Variants in TTPA observed in about 807,000 individuals in gnomAD.
TTPA encodes alpha tocopherol transfer protein.
A neutral mutation model predicts 25.9 loss-of-function variants in TTPA; 23 were observed. That is an observed-to-expected ratio of 0.89 (90% CI 0.64 to 1.26). TTPA has a LOEUF of 1.26. TTPA is among the 50% of genes most tolerant of loss of function. The probability of loss-of-function intolerance (pLI) is 0.00; values close to 1 mark genes in which losing one functional copy is unlikely to be tolerated. For missense variants in TTPA, 337 were observed against 353.1 expected (o/e 0.95, Z 0.37); for synonymous variants, 148 against 137.3 (o/e 1.08, Z -0.54).
chr8:63,079,019 T>C (rs954919804), intron 1 of TTPA, among the ~76,000 whole-genome samples: 6 of 151,718 alleles, frequency 4.0e-5, no homozygotes, highest in Non-Finnish European at 8.8e-5. Flanking sequence ...CAGAAGAGAG[T>C]AGGGGGCCAA....
Position 63,060,672 on chromosome 8 carries a change from T to TG in TTPA, c.*579dup, listed in dbSNP as rs1255236791. The stretch of plus-strand genomic sequence containing the variant: ...CTGGGCGACAGAGCAAGACTCTGTC[T>TG]GAAAAAAAAAAAAAAAGTTTCTATC... On this transcript the variant is annotated 3_prime_UTR_variant, in exon 5 of 5. Coordinates refer to ENST00000260116, the MANE Select transcript of TTPA (RefSeq NM_000370.3). The TG allele has an allele frequency of 1.1e-5, 1 of 91,560 alleles. No individual in the cohort carries two copies. The highest frequency in any genetic ancestry group is 1.9e-5 in the Non-Finnish European group (1 of 53,778). 5.7% of individuals were successfully genotyped at this position (91,560 alleles called of 1,614,324 possible). A position where few individuals can be genotyped will look rare whatever the true frequency, so the allele number is the denominator to read the frequency against.
chr8:63,083,383 AAG>A (rs1381433811), intron 1 of TTPA, among the ~76,000 whole-genome samples: 2 of 152,186 alleles, frequency 1.3e-5, no homozygotes, highest in South Asian at 4.1e-4. Context: ...AACTATCACA[AAG>A]ACAGAAAACC....
At position 63,085,860 on chromosome 8, in the gene TTPA, C is replaced by T; in HGVS notation, c.162G>A (p.Arg54=). The T allele has an allele frequency of 2.0e-6, 3 of 1,536,354 alleles. No individual in the cohort carries two copies. Among genetic ancestry groups the T allele is most frequent in the Non-Finnish European group, 1.7e-6 (2 of 1,145,578 alleles). ...PLPLTDSFLL[R]FLRARDFDLD... is the part of the protein sequence containing the mutation. ...GATCGAAATCCCGGGCGCGCAGGAA[C>T]CGCAGCAGGAAGGAGTCGGTGAGCG... is the stretch of plus-strand genomic sequence containing the variant. The change falls in exon 1 of 5, where the codon CGG becomes CGA. Residue 54 remains arginine, a synonymous_variant. Transcript: ENST00000260116.
intron 1 of TTPA, among the ~76,000 whole-genome samples, chr8:63,078,652 GA>G (rs1280715676): frequency 5.9e-5 from 9 of 152,118 alleles, no homozygotes; most frequent in Admixed American, 4.6e-4. Context: ...AGAGTAAAAA[GA>G]AATGAACAAA....
rs1805299329 is a variant in TTPA, at chr8:63,061,169, G to T, written c.*83C>A. 4 of 1,377,994 alleles carry T rather than the reference G, an allele frequency of 2.9e-6. No homozygotes were observed. The highest frequency in any genetic ancestry group is 1.7e-5 in the Admixed American group (1 of 57,516). The allele number at this position is 1,377,994 out of a possible 1,614,324, so 85.4% of individuals were successfully genotyped here. On this transcript the variant is annotated 3_prime_UTR_variant, in exon 5 of 5. Transcript: ENST00000260116. ...AGGCAAGCATTAGTTTAAAAGATTTGCTCCTTTTCTTTCATTCATTTAACC... is the reference window on the plus strand; with the variant it reads ...AGGCAAGCATTAGTTTAAAAGATTTTCTCCTTTTCTTTCATTCATTTAACC...
chr8:63,066,166 T>A, intron 2 of TTPA, 69 bp from the exon 3 acceptor site: 1 of 1,391,496 alleles, frequency 7.2e-7, no homozygotes, highest in Non-Finnish European at 1.0e-6. Context: ...AAAGGGAGAC[T>A]AATTCATTTT....
chr8:63,064,614 G>GAAGTAAAAAATATAAATACTTTT (rs1554605517), intron 3 of TTPA, among the ~76,000 whole-genome samples: 1 of 151,878 alleles, frequency 6.6e-6, no homozygotes, highest in Non-Finnish European at 1.5e-5. Flanking sequence ...TTCTTTTAAC[G>GAAGTAAAAAATATAAATACTTTT]AACCAATGAG....
At chr8:63,073,884 C>G (rs1805519409) in intron 1 of TTPA, among the ~76,000 whole-genome samples, 2 of 152,090 alleles carry the variant, frequency 1.3e-5, no homozygotes, top group Non-Finnish European at 2.9e-5. Flanking sequence ...CTGAAGAAAT[C>G]CCATTTTCTT....
At chr8:63,068,075 CTGGGT>C (rs1284187419) in intron 2 of TTPA, among the ~76,000 whole-genome samples, 1 of 152,094 alleles carries the variant, frequency 6.6e-6, no homozygotes, top group African/African-American at 2.4e-5. Flanking sequence ...AGACATCCAA[CTGGGT>C]GCAGCTGGAA....
chr8:63,067,381 T>C (rs1280059961), intron 2 of TTPA, among the ~76,000 whole-genome samples: 2 of 150,892 alleles, frequency 1.3e-5, no homozygotes, highest in African/African-American at 2.4e-5. Context: ...TAATAAAAGT[T>C]CTAGAAGGCA....
intron 2 of TTPA, among the ~76,000 whole-genome samples, chr8:63,067,505 GA>G (rs202184685): frequency 1.1e-4 from 4 of 35,544 alleles, no homozygotes; most frequent in Admixed American, 8.6e-4. Context: ...GAACGAAAAA[GA>G]AAAAAAAATC....
intron 1 of TTPA, among the ~76,000 whole-genome samples, chr8:63,075,685 C>G (rs1805550802): frequency 7.1e-6 from 1 of 140,124 alleles, no homozygotes; most frequent in Non-Finnish European, 1.5e-5. Flanking sequence ...GGCGACAGAG[C>G]CAGACTCCGT....
chr8:63,082,935 A>T (rs1805687064), intron 1 of TTPA, among the ~76,000 whole-genome samples: 2 of 152,220 alleles, frequency 1.3e-5, no homozygotes, highest in Non-Finnish European at 2.9e-5. Context: ...AACCACAATG[A>T]GATACTATCT....
At position 63,072,964 on chromosome 8, in the gene TTPA, G is replaced by C. The variant is rs748000998; in HGVS notation, c.329C>G (p.Thr110Ser). 1 of 1,614,088 alleles carries C rather than the reference G, an allele frequency of 6.2e-7. No homozygotes were observed. Among genetic ancestry groups the C allele is most frequent in the South Asian group, 1.1e-5 (1 of 91,084 alleles). Residue 110 changes from threonine to serine, a missense_variant, in exon 2 of 5, where the codon ACT becomes AGT. Coordinates refer to ENST00000260116, the MANE Select transcript of TTPA (RefSeq NM_000370.3). The part of the protein sequence containing the change: ...YHGVLRSRDP[T>S]GSKVLIYRIA... ...TCTGTAAATAAGAACTTTGCTGCCAGTGGGATCCCTGGATCTCAGGACTCC... is the reference window on the plus strand; with the variant it reads ...TCTGTAAATAAGAACTTTGCTGCCACTGGGATCCCTGGATCTCAGGACTCC...
intron 4 of TTPA, among the ~76,000 whole-genome samples, 200 bp from the exon 5 acceptor site, chr8:63,061,625 G>A (rs1805308770): frequency 6.6e-6 from 1 of 152,066 alleles, no homozygotes; most frequent in Admixed American, 6.5e-5. Flanking sequence ...TAACCTTACT[G>A]TTTCTTGGAT....
rs1233515069 is a variant in TTPA, at chr8:63,061,274, C to G, written c.815G>C (p.Ser272Thr). 3 of 1,613,586 alleles carry G rather than the reference C, an allele frequency of 1.9e-6. No homozygotes were observed. Among genetic ancestry groups the G allele is most frequent in the South Asian group, 1.1e-5 (1 of 91,076 alleles). ...FIMKSEDYLS[S>T]ISESIQ is the part of the protein sequence containing the mutation. ...TTCTCATTGAATGCTCTCAGAAATGCTGCTGAGATAATCTTCAGACTTCAT... is the reference window on the plus strand; with the variant it reads ...TTCTCATTGAATGCTCTCAGAAATGGTGCTGAGATAATCTTCAGACTTCAT... The change falls in exon 5 of 5, where the codon AGC becomes ACC. Residue 272 changes from serine (S) to threonine (T), a missense_variant. By Grantham distance (58) the Ser-to-Thr change is moderately conservative (BLOSUM62 1). Coordinates refer to ENST00000260116, the MANE Select transcript of TTPA (RefSeq NM_000370.3).
intron 1 of TTPA, among the ~76,000 whole-genome samples, chr8:63,076,802 T>A (rs1805568725): frequency 6.6e-6 from 1 of 152,202 alleles, no homozygotes; most frequent in Non-Finnish European, 1.5e-5. Context: ...TCATATTCAG[T>A]AGTTACTAAG....
chr8:63,075,245 G>T (rs891409167), intron 1 of TTPA, among the ~76,000 whole-genome samples: 6 of 152,164 alleles, frequency 3.9e-5, no homozygotes, highest in African/African-American at 1.4e-4. Context: ...CATTTAAAAT[G>T]TTATGGGTTA....
intron 1 of TTPA, among the ~76,000 whole-genome samples, chr8:63,075,434 C>T (rs1477957019): frequency 1.3e-5 from 2 of 152,002 alleles, no homozygotes; most frequent in African/African-American, 4.8e-5. Flanking sequence ...AAAAGTAAAG[C>T]TCCAGCCAGG....
Sources: allele counts gnomAD v4.1 joint callset (sites outside exome capture counted in the v4.1 genomes callset), GRCh38; gene constraint gnomAD v4.1.1; transcripts MANE v1.5; gene names NCBI Gene and HGNC (gene_info 2026-07-23, HGNC 2026-07-21).